NIPSNAP2: variants seen among roughly 807,000 people sequenced by gnomAD.
The protein encoded by NIPSNAP2 is protein NipSnap homolog 2.
In NIPSNAP2, 42 loss-of-function variants were observed where a neutral mutation model predicts 48.4. The ratio of observed to expected loss-of-function variants is 0.87; its 90% confidence interval spans 0.68 to 1.12. The LOEUF (loss-of-function observed/expected upper bound fraction) is 1.12. Ranked by LOEUF, NIPSNAP2 falls within the 50% of genes most tolerant of loss-of-function variation. The probability of loss-of-function intolerance (pLI) is 0.00; values close to 1 mark genes in which losing one functional copy is unlikely to be tolerated. For synonymous variants in NIPSNAP2, 158 were observed against 126.6 expected (o/e 1.25, Z -1.67); for missense variants, 314 against 347.3 (o/e 0.90, Z 0.76).
At chr7:55,995,520 A>G (rs901782971) in intron 8 of NIPSNAP2, among the ~76,000 whole-genome samples, 4 of 152,132 alleles carry the variant, frequency 2.6e-5, no homozygotes, top group Non-Finnish European at 5.9e-5. Flanking sequence ...AGTGAACATC[A>G]TCACTCCTCC....
Position 55,987,629 on chromosome 7 carries a change from G to A in NIPSNAP2, c.617+2751G>A, listed in dbSNP as rs150442333. 1.1e-3 allele frequency among the ~76,000 whole-genome samples: 160 copies of A among 152,162 alleles called. No individual in the cohort carries two copies. In the Middle Eastern group the frequency reaches 0.027, roughly 26 times the overall value. On this transcript the variant is annotated intron_variant, in intron 7 of 9. Transcript: ENST00000322090. ...GCAACAGAGCGAGACTTCATCCCCC[G>A]CCTCCAAAAAAGAAGGAAGTCTTGT... is the stretch of plus-strand genomic sequence containing the variant.
chr7:55,976,827 A>C (rs534828752), intron 1 of NIPSNAP2, among the ~76,000 whole-genome samples: 1 of 152,270 alleles, frequency 6.6e-6, no homozygotes, highest in African/African-American at 2.4e-5. Flanking sequence ...ATTTGAGGCT[A>C]CAGTGAACTA....
chr7:55,988,651 GA>G lies in NIPSNAP2; in HGVS notation c.617+3775del, dbSNP rs922708353. Among the ~76,000 whole-genome samples the G allele has an allele frequency of 4.0e-4, 61 of 152,132 alleles. 3 individuals are homozygous for G. On this transcript the variant is annotated intron_variant, in intron 7 of 9. Coordinates refer to ENST00000322090, the MANE Select transcript of NIPSNAP2 (RefSeq NM_001483.3). Reference sequence around the variant, plus strand: ...GAGGGCGCGGATCACCTGAGGTCAAGAATTCGAGACCGACCTGGCCAACGTG... The same window carrying G: ...GAGGGCGCGGATCACCTGAGGTCAAGATTCGAGACCGACCTGGCCAACGTG...
intron 1 of NIPSNAP2, among the ~76,000 whole-genome samples, chr7:55,972,005 T>A (rs566818296): frequency 1.3e-5 from 2 of 152,214 alleles, no homozygotes; most frequent in Non-Finnish European, 2.9e-5. Flanking sequence ...ACTTAAAATC[T>A]AAAATAAACA....
At chr7:55,995,062 A>G in intron 8 of NIPSNAP2, 74 bp downstream of exon 8, 1 of 1,236,248 alleles carries the variant, frequency 8.1e-7, no homozygotes, top group South Asian at 1.2e-5. Context: ...AGTAGAGCAC[A>G]TCTTGAGTCA....
Position 55,982,223 on chromosome 7 carries a change from G to A in NIPSNAP2, c.387G>A (p.Arg129=), listed in dbSNP as rs1787229431. 6.2e-7 allele frequency: 1 copy of A among 1,606,414 alleles called. No homozygotes were observed. The highest frequency in any genetic ancestry group is 8.5e-7 in the Non-Finnish European group (1 of 1,173,358). The change falls in exon 5 of 10, where the codon AGG becomes AGA. Residue 129 remains arginine, a synonymous_variant. Coordinates refer to ENST00000322090, the MANE Select transcript of NIPSNAP2 (RefSeq NM_001483.3). ...GEQDQAVHLW[R]YEGGYPALTE... ...AATGCATTTCAGTCCACCTCTGGAG[G>A]TATGAAGGAGGCTATCCAGCCCTCA...
intron 1 of NIPSNAP2, among the ~76,000 whole-genome samples, chr7:55,974,847 TAAAAA>T (rs11391060): frequency 8.9e-6 from 1 of 112,286 alleles, no homozygotes; most frequent in Non-Finnish European, 1.7e-5. Context: ...GACTCTGTCT[TAAAAA>T]AAAAAAAAAA....
chr7:55,999,393 A>G lies in NIPSNAP2; in HGVS notation c.*321A>G, dbSNP rs1477326588. On this transcript the variant is annotated 3_prime_UTR_variant, in exon 10 of 10. Coordinates refer to ENST00000322090, the MANE Select transcript of NIPSNAP2 (RefSeq NM_001483.3). Reference sequence around the variant, plus strand: ...GAATCATCTTGAAAATAAGATTCCAACCACAAAAAAAATTTAGCCATTTCT... The same window carrying G: ...GAATCATCTTGAAAATAAGATTCCAGCCACAAAAAAAATTTAGCCATTTCT... The G allele has an allele frequency of 4.7e-6, 1 of 212,704 alleles. No individual in the cohort carries two copies. The highest frequency in any genetic ancestry group is 9.2e-6 in the Non-Finnish European group (1 of 108,496). 13.2% of individuals were successfully genotyped at this position (212,704 alleles called of 1,614,324 possible).
intron 7 of NIPSNAP2, among the ~76,000 whole-genome samples, chr7:55,992,431 A>G (rs1232285750): frequency 6.6e-6 from 1 of 151,672 alleles, no homozygotes; most frequent in African/African-American, 2.4e-5. Context: ...TCCAGACTGC[A>G]GTCAGCTAAG....
rs1257250530 is a variant in NIPSNAP2 at position 55,964,651 on chromosome 7, C to T, written c.42C>T (p.Ala14=). 2.7e-6 allele frequency: 3 copies of T among 1,098,466 alleles called. No homozygotes were observed. Among genetic ancestry groups the T allele is most frequent in the Admixed American group, 1.0e-4 (2 of 19,400 alleles). The allele number at this position is 1,098,466 out of a possible 1,614,324, so 68.0% of individuals were successfully genotyped here. Residue 14 remains alanine, a synonymous_variant, in exon 1 of 10, where the codon GCC becomes GCT. Transcript: ENST00000322090. The part of the protein sequence containing the change: ...RVLRARGAAW[A]GGLLQRAAPC... ...TGCGCGCCCGCGGAGCGGCCTGGGC[C>T]GGCGGCCTCCTGCAGCGGGCGGCCC... is the stretch of plus-strand genomic sequence containing the variant.
intron 1 of NIPSNAP2, among the ~76,000 whole-genome samples, chr7:55,970,003 G>A (rs75203774): frequency 7.0e-6 from 1 of 142,320 alleles, no homozygotes. Context: ...AAAAAAAAAA[G>A]ATCATATGAA....
Position 55,984,986 on chromosome 7 carries a change from A to G in NIPSNAP2, c.617+108A>G, listed in dbSNP as rs146333157. ...TCTGAGGATAGTACTGTGACTTAAC[A>G]CTGCACTAATGTTTCGTTTGATGTT... On this transcript the variant is annotated intron_variant, in intron 7 of 9. Coordinates refer to ENST00000322090, the MANE Select transcript of NIPSNAP2 (RefSeq NM_001483.3). 89 of 785,348 alleles carry G rather than the reference A, an allele frequency of 1.1e-4. No individual in the cohort carries two copies. In the African/African-American group the frequency reaches 1.4e-3, roughly 13 times the overall value. 48.6% of individuals were successfully genotyped at this position (785,348 alleles called of 1,614,324 possible).
At chr7:55,985,315 C>T (rs890468446) in intron 7 of NIPSNAP2, among the ~76,000 whole-genome samples, 4 of 152,122 alleles carry the variant, frequency 2.6e-5, no homozygotes, top group African/African-American at 7.2e-5. Flanking sequence ...GTCATATATA[C>T]ACACCATGTC....
chr7:55,964,672 G>A lies in NIPSNAP2; in HGVS notation c.63G>A (p.Ala21=). The A allele has an allele frequency of 2.7e-6, 3 of 1,120,872 alleles. No individual in the cohort carries two copies. Among genetic ancestry groups the A allele is most frequent in the Non-Finnish European group, 3.3e-6 (3 of 917,140 alleles). 69.4% of individuals were successfully genotyped at this position (1,120,872 alleles called of 1,614,324 possible). A position where few individuals can be genotyped will look rare whatever the true frequency, so the allele number is the denominator to read the frequency against. Residue 21 remains alanine (A), a synonymous_variant, in exon 1 of 10, where the codon GCG becomes GCA. Coordinates refer to ENST00000322090, the MANE Select transcript of NIPSNAP2 (RefSeq NM_001483.3). ...GGGCCGGCGGCCTCCTGCAGCGGGC[G>A]GCCCCCTGCAGCCTCCTGCCCAGGC... ...AAWAGGLLQR[A]APCSLLPRLR...
rs1308942139 is a variant in NIPSNAP2, at chr7:55,964,710, C to G, written c.92+9C>G. 1 of 1,118,448 alleles carries G rather than the reference C, an allele frequency of 8.9e-7. No homozygotes were observed. Among genetic ancestry groups the G allele is most frequent in the African/African-American group, 1.7e-5 (1 of 60,430 alleles). 69.3% of individuals were successfully genotyped at this position (1,118,448 alleles called of 1,614,324 possible). On this transcript the variant is annotated intron_variant, in intron 1 of 9. Transcript: ENST00000322090. ...CTCCTGCCCAGGCTCCGGTGAGCAGCGCCGCCCTTCCCGGGAGGTGCCGGG... is the reference window on the plus strand; with the variant it reads ...CTCCTGCCCAGGCTCCGGTGAGCAGGGCCGCCCTTCCCGGGAGGTGCCGGG...
At position 55,985,310 on chromosome 7, in the gene NIPSNAP2, A is replaced by G. The variant is rs79037448; in HGVS notation, c.617+432A>G. On this transcript the variant is annotated intron_variant, in intron 7 of 9. Transcript: ENST00000322090. ...TTTTCTGAAACGTTACTTTTGTCAT[A>G]TATACACACCATGTCAATAATGGTT... Among the ~76,000 whole-genome samples, 406 of 152,296 alleles carry G rather than the reference A, an allele frequency of 2.7e-3. 4 individuals are homozygous for G. The highest frequency in any genetic ancestry group is 9.4e-3 in the African/African-American group (391 of 41,562).
rs1355936455 is a variant in NIPSNAP2 at position 55,964,597 on chromosome 7, G to A, written c.-13G>A. 24 of 1,009,718 alleles carry A rather than the reference G, an allele frequency of 2.4e-5. No individual in the cohort carries two copies. Among genetic ancestry groups the A allele is most frequent in the African/African-American group, 3.5e-5 (2 of 57,376 alleles). The allele number at this position is 1,009,718 out of a possible 1,614,324, so 62.5% of individuals were successfully genotyped here. On this transcript the variant is annotated 5_prime_UTR_variant, in exon 1 of 10. Transcript: ENST00000322090. The stretch of plus-strand genomic sequence containing the variant: ...GCGGCGCCCGGGCGGTGGGAGCCGA[G>A]GCGCCGAGCAAGATGGCGGCGCGAG...
At chr7:55,995,032 A>G in intron 8 of NIPSNAP2, 44 bp downstream of exon 8, 1 of 1,501,702 alleles carries the variant, frequency 6.7e-7, no homozygotes, top group South Asian at 1.1e-5. Flanking sequence ...TTAAGAGTTC[A>G]TTACTAAGTT....
intron 5 of NIPSNAP2, among the ~76,000 whole-genome samples, chr7:55,983,016 G>A (rs1208655104): frequency 2.0e-5 from 3 of 151,800 alleles, no homozygotes; most frequent in Non-Finnish European, 4.4e-5. Flanking sequence ...CCAGCCACTC[G>A]GGAGGCTGAG....
Sources: allele counts gnomAD v4.1 joint callset (sites outside exome capture counted in the v4.1 genomes callset), GRCh38; gene constraint gnomAD v4.1.1; transcripts MANE v1.5; gene names NCBI Gene and HGNC (gene_info 2026-07-23, HGNC 2026-07-21).